The following OR1D2 variants were observed in gnomAD, a reference collection of about 807,000 sequenced individuals.
The protein encoded by OR1D2 is olfactory receptor family 1 subfamily D member 2.
For missense variants in OR1D2, 357 were observed against 376.1 expected, an observed-to-expected ratio of 0.95 and a Z score of 0.42; for synonymous variants, 157 against 153.9, an observed-to-expected ratio of 1.02 and a Z score of -0.15.
Position 3,091,059 on chromosome 17 carries a change from G to GT in OR1D2, c.*998dup, listed in dbSNP as rs2047804341. 1 of 152,128 alleles carries GT rather than the reference G, an allele frequency of 6.6e-6. No homozygotes were observed. The highest frequency in any genetic ancestry group is 1.5e-5 in the Non-Finnish European group (1 of 68,022). 9.4% of individuals were successfully genotyped at this position (152,128 alleles called of 1,614,324 possible). ...GGGGTGATTCAGGTAATGTGACAGA[G>GT]TTTTTTCTACAATGTTCAATATGGT... is the stretch of plus-strand genomic sequence containing the variant. On this transcript the variant is annotated 3_prime_UTR_variant, in exon 2 of 2. Coordinates refer to ENST00000641833, the MANE Select transcript of OR1D2 (RefSeq NM_002548.3).
rs2047792959 is a variant in OR1D2 at position 3,089,391 on chromosome 17, G to T, written c.*2667C>A. 1 of 152,356 alleles carries T rather than the reference G, an allele frequency of 6.6e-6. No homozygotes were observed. The highest frequency in any genetic ancestry group is 2.4e-5 in the African/African-American group (1 of 41,464). The allele number at this position is 152,356 out of a possible 1,614,324, so 9.4% of individuals were successfully genotyped here. On this transcript the variant is annotated 3_prime_UTR_variant, in exon 2 of 2. Coordinates refer to ENST00000641833, the MANE Select transcript of OR1D2 (RefSeq NM_002548.3). ...CTGGTCCAGTGGAGGTAGCAGTGGA[G>T]TAAAGTGAACTCTCATGGTCCAAGT...
At position 3,090,301 on chromosome 17, in the gene OR1D2, C is replaced by G. The variant is rs1182883874; in HGVS notation, c.*1757G>C. On this transcript the variant is annotated 3_prime_UTR_variant, in exon 2 of 2. Transcript: ENST00000641833. ...TTATTTAGCTCCAGAATTACTGTTT[C>G]TTTTTTGTGGTTTCTGTTTGTTGAA... 1.3e-5 allele frequency: 2 copies of G among 151,964 alleles called. No individual in the cohort carries two copies. Among genetic ancestry groups the G allele is most frequent in the Non-Finnish European group, 2.9e-5 (2 of 67,992 alleles). 9.4% of individuals were successfully genotyped at this position (151,964 alleles called of 1,614,324 possible).
chr17:3,092,728 T>C lies in OR1D2; in HGVS notation c.269A>G (p.Lys90Arg), dbSNP rs757942645. The change falls in exon 2 of 2, where the codon AAA becomes AGA. Residue 90 changes from lysine (K) to arginine (R), a missense_variant. By Grantham distance (26) the Lys-to-Arg change is conservative. Transcript: ENST00000641833. ...KMLVNLQSHN[K>R]AISYAGCLTQ... ...CAGACACCCTGCATAGGAGATGGCT[T>C]TGTTATGGGACTGGAGGTTCACCAG... The C allele has an allele frequency of 1.3e-5, 21 of 1,613,770 alleles. No homozygotes were observed. Among genetic ancestry groups the C allele is most frequent in the Non-Finnish European group, 1.7e-5 (20 of 1,179,964 alleles).
chr17:3,101,048 A>C (rs1051326227), intron 1 of OR1D2, among the ~76,000 whole-genome samples: 2 of 152,164 alleles, frequency 1.3e-5, no homozygotes, highest in African/African-American at 4.8e-5. Flanking sequence ...CCAACCAAAA[A>C]AAGCCCAGGT....
intron 1 of OR1D2, among the ~76,000 whole-genome samples, chr17:3,102,990 G>T (rs1283028027): frequency 6.6e-6 from 1 of 152,128 alleles, no homozygotes; most frequent in Non-Finnish European, 1.5e-5. Flanking sequence ...ATGTCAGGGT[G>T]GGACTCCTGG....
chr17:3,092,633 G>T lies in OR1D2; in HGVS notation c.364C>A (p.Arg122Ser). The change falls in exon 2 of 2, where the codon CGC (arginine) becomes AGC (serine). Residue 122 changes from arginine to serine, a missense_variant. Physicochemically the swap from Arg to Ser is moderately radical, Grantham distance 110. Coordinates refer to ENST00000641833, the MANE Select transcript of OR1D2 (RefSeq NM_002548.3). ...AGGGGGCAGCAGATGGCCACATAGCGGTCATATGCCATCACAGCCAGGATG... is the reference window on the plus strand; with the variant it reads ...AGGGGGCAGCAGATGGCCACATAGCTGTCATATGCCATCACAGCCAGGATG... Reference protein sequence around the residue: ...NLILAVMAYDRYVAICCPLHY... With the variant: ...NLILAVMAYDSYVAICCPLHY... 1 of 1,613,944 alleles carries T rather than the reference G, an allele frequency of 6.2e-7. No individual in the cohort carries two copies. The highest frequency in any genetic ancestry group is 8.5e-7 in the Non-Finnish European group (1 of 1,179,984).
rs2047887352 is a variant in OR1D2, at chr17:3,104,226, G to C, written c.-178C>G. Reference sequence around the variant, plus strand: ...TGCATTATTTTCTGAATAGGTCTTGGAGACTCATCCTATTGGCTAAAGGTA... The same window carrying C: ...TGCATTATTTTCTGAATAGGTCTTGCAGACTCATCCTATTGGCTAAAGGTA... On this transcript the variant is annotated 5_prime_UTR_variant, in exon 1 of 2. Transcript: ENST00000641833. The C allele has an allele frequency of 6.6e-6, 1 of 152,166 alleles. No homozygotes were observed. The highest frequency in any genetic ancestry group is 2.4e-5 in the African/African-American group (1 of 41,440). The allele number at this position is 152,166 out of a possible 1,614,324, so 9.4% of individuals were successfully genotyped here.
intron 1 of OR1D2, among the ~76,000 whole-genome samples, chr17:3,103,236 T>G (rs748883636): frequency 3.3e-5 from 5 of 152,024 alleles, no homozygotes; most frequent in Non-Finnish European, 7.4e-5. Context: ...TCCTTTTTTC[T>G]TCTTTCTTTT....
In OR1D2 at chr17:3,092,329, C is replaced by G. The variant is rs772332442; in HGVS notation, c.668G>C (p.Arg223Thr). 4 of 1,614,120 alleles carry G rather than the reference C, an allele frequency of 2.5e-6. No individual in the cohort carries two copies. In the Admixed American group the frequency reaches 6.7e-5, roughly 27 times the overall value. ...GACTGAGGGTATTCTGAGGATGGCT[C>G]TGATAATCAGCACATAGGAAATGAT... The part of the protein sequence containing the change: ...FVIISYVLII[R>T]AILRIPSVSK... The change falls in exon 2 of 2, where the codon AGA becomes ACA. Residue 223 changes from arginine (R) to threonine (T), a missense_variant. Physicochemically the swap from Arg to Thr is moderately conservative, Grantham distance 71. Coordinates refer to ENST00000641833, the MANE Select transcript of OR1D2 (RefSeq NM_002548.3).
rs755762383 is a variant in OR1D2 at position 3,091,376 on chromosome 17, C to G, written c.*682G>C. 1 of 152,114 alleles carries G rather than the reference C, an allele frequency of 6.6e-6. No homozygotes were observed. Among genetic ancestry groups the G allele is most frequent in the Non-Finnish European group, 1.5e-5 (1 of 68,016 alleles). 9.4% of individuals were successfully genotyped at this position (152,114 alleles called of 1,614,324 possible). On this transcript the variant is annotated 3_prime_UTR_variant, in exon 2 of 2. Coordinates refer to ENST00000641833, the MANE Select transcript of OR1D2 (RefSeq NM_002548.3). Reference sequence around the variant, plus strand: ...GCTTTATATATTCCTGTGCTTTCATCGTGTCTCTTTAAATACATCTATCTA... The same window carrying G: ...GCTTTATATATTCCTGTGCTTTCATGGTGTCTCTTTAAATACATCTATCTA...
Position 3,092,808 on chromosome 17 carries a change from C to T in OR1D2, c.189G>A (p.Leu63=). 1 of 1,613,964 alleles carries T rather than the reference C, an allele frequency of 6.2e-7. No homozygotes were observed. Among genetic ancestry groups the T allele is most frequent in the Non-Finnish European group, 8.5e-7 (1 of 1,180,004 alleles). ...SRLHTPVYFF[L]ANLSFTDLFF... ...AGAGGTCAGTGAAGGAGAGGTTGGC[C>T]AGGAAGAAGTACACGGGGGTGTGCA... The change falls in exon 2 of 2, where the codon CTG becomes CTA. Residue 63 remains leucine (L), a synonymous_variant. Coordinates refer to ENST00000641833, the MANE Select transcript of OR1D2 (RefSeq NM_002548.3).
At position 3,092,334 on chromosome 17, in the gene OR1D2, A is replaced by G. The variant is rs2047816054; in HGVS notation, c.663T>C (p.Ile221=). 4.3e-6 allele frequency: 7 copies of G among 1,614,098 alleles called. No homozygotes were observed. Among genetic ancestry groups the G allele is most frequent in the Admixed American group, 1.7e-5 (1 of 60,004 alleles). Residue 221 remains isoleucine, a synonymous_variant, in exon 2 of 2, where the codon ATT becomes ATC. Coordinates refer to ENST00000641833, the MANE Select transcript of OR1D2 (RefSeq NM_002548.3). ...FGFVIISYVL[I]IRAILRIPSV... is the part of the protein sequence containing the mutation. ...AGGGTATTCTGAGGATGGCTCTGAT[A>G]ATCAGCACATAGGAAATGATCACGA... is the stretch of plus-strand genomic sequence containing the variant.
At chr17:3,097,891 C>T (rs530958646) in intron 1 of OR1D2, among the ~76,000 whole-genome samples, 1 of 152,322 alleles carries the variant, frequency 6.6e-6, no homozygotes, top group African/African-American at 2.4e-5. Flanking sequence ...CACAGCCCAA[C>T]ACACCCCTAT....
chr17:3,093,959 T>G (rs2047829895), intron 1 of OR1D2, among the ~76,000 whole-genome samples: 1 of 152,172 alleles, frequency 6.6e-6, no homozygotes, highest in African/African-American at 2.4e-5. Flanking sequence ...CTAAATTTCA[T>G]CTAAATATAA....
chr17:3,094,322 G>C (rs1257078752), intron 1 of OR1D2, among the ~76,000 whole-genome samples: 8 of 152,048 alleles, frequency 5.3e-5, no homozygotes, highest in African/African-American at 1.9e-4. Flanking sequence ...ACTATAGTGT[G>C]CCTTTTTTTC....
chr17:3,098,616 C>T (rs1348112390), intron 1 of OR1D2, among the ~76,000 whole-genome samples: 1 of 152,190 alleles, frequency 6.6e-6, no homozygotes, highest in Non-Finnish European at 1.5e-5. Flanking sequence ...CAGCGTGCTG[C>T]TGCTTCTCCA....
At position 3,092,830 on chromosome 17, in the gene OR1D2, T is replaced by C; in HGVS notation, c.167A>G (p.His56Arg). The C allele has an allele frequency of 6.2e-7, 1 of 1,611,192 alleles. No homozygotes were observed. Among genetic ancestry groups the C allele is most frequent in the Non-Finnish European group, 8.5e-7 (1 of 1,177,770 alleles). The change falls in exon 2 of 2, where the codon CAC becomes CGC. Residue 56 changes from histidine to arginine, a missense_variant. Physicochemically the swap from His to Arg is conservative, Grantham distance 29. Coordinates refer to ENST00000641833, the MANE Select transcript of OR1D2 (RefSeq NM_002548.3). ...GGCCAGGAAGAAGTACACGGGGGTGTGCAGGCGGGAATCAGAGCTGATGGC... is the reference window on the plus strand; with the variant it reads ...GGCCAGGAAGAAGTACACGGGGGTGCGCAGGCGGGAATCAGAGCTGATGGC... The part of the protein sequence containing the change: ...ILAISSDSRL[H>R]TPVYFFLANL...
At chr17:3,096,317 T>C (rs1156887743) in intron 1 of OR1D2, among the ~76,000 whole-genome samples, 2 of 152,212 alleles carry the variant, frequency 1.3e-5, no homozygotes, top group Admixed American at 1.3e-4. Flanking sequence ...ACATGATTCA[T>C]TTATATGCAT....
At chr17:3,099,874 C>T (rs757980003) in intron 1 of OR1D2, among the ~76,000 whole-genome samples, 35 of 151,788 alleles carry the variant, frequency 2.3e-4, no homozygotes, top group Non-Finnish European at 3.2e-4. Context: ...ATAAAGCAGG[C>T]GTTGCAATCC....
Sources: gnomAD v4.1 joint callset for allele counts (sites outside exome capture counted in the v4.1 genomes callset) on GRCh38, gnomAD v4.1.1 for gene constraint, MANE v1.5 for transcripts, NCBI Gene and HGNC (gene_info 2026-07-23, HGNC 2026-07-21) for gene names.